POLR1E: variants seen among roughly 807,000 people sequenced by gnomAD.
POLR1E encodes RNA polymerase I subunit E.
In POLR1E, 37 loss-of-function variants were observed where a neutral mutation model predicts 50.9. The observed-to-expected ratio is 0.73, with a 90% CI of 0.56 to 0.96. The LOEUF is 0.96. Ranked by LOEUF, POLR1E falls within the 40% of genes least tolerant of loss-of-function variation. The pLI is 0.00. For synonymous variants in POLR1E, 166 were observed against 191.6 expected (o/e 0.87, Z 1.10); for missense variants, 426 against 518.1 (o/e 0.82, Z 1.73).
At chr9:37,502,824 A>C (rs1401991080) in intron 11 of POLR1E, among the ~76,000 whole-genome samples, 2 of 152,144 alleles carry the variant, frequency 1.3e-5, no homozygotes, top group Non-Finnish European at 2.9e-5. Flanking sequence ...ACCCATATGG[A>C]TCTTTTGAAG....
rs116534207 is a variant in POLR1E at position 37,503,300 on chromosome 9, G to A, written c.*98G>A. On this transcript the variant is annotated 3_prime_UTR_variant, in exon 12 of 12. Coordinates refer to ENST00000377798, the MANE Select transcript of POLR1E (RefSeq NM_022490.4). ...TGTATGTTTTGAAAAGAAAAGGTCC[G>A]GGGATGGTGGCTCACACCTGAAATC... 1.1e-3 allele frequency: 1,609 copies of A among 1,405,004 alleles called. 13 individuals carry two copies. In the African/African-American group the frequency reaches 0.019, roughly 16 times the overall value. The allele number at this position is 1,405,004 out of a possible 1,614,324, so 87.0% of individuals were successfully genotyped here. A position where few individuals can be genotyped will look rare whatever the true frequency, so the allele number is the denominator to read the frequency against.
At chr9:37,496,619 A>ATTTTT (rs1229748702) in intron 8 of POLR1E, among the ~76,000 whole-genome samples, 1 of 51,246 alleles carries the variant, frequency 2.0e-5, no homozygotes, top group African/African-American at 7.7e-5. Flanking sequence ...TATTATTATT[A>ATTTTT]TTTCTTTTTT....
chr9:37,488,538 TAGAGG>T (rs57241432), intron 3 of POLR1E, among the ~76,000 whole-genome samples: 39,973 of 151,760 alleles, frequency 0.26, 5,620 homozygotes, highest in African/African-American at 0.35. Context: ...CATACTCCAA[TAGAGG>T]AGAGGTCAGA....
chr9:37,492,828 C>T (rs1020886540), intron 5 of POLR1E, 113 bp downstream of exon 5: 8 of 881,944 alleles, frequency 9.1e-6, no homozygotes, highest in South Asian at 1.5e-5. Flanking sequence ...GGCTGCTCCC[C>T]GCTCATTCAG....
chr9:37,497,863 A>G (rs1019356836), intron 8 of POLR1E, among the ~76,000 whole-genome samples: 1 of 152,152 alleles, frequency 6.6e-6, no homozygotes, highest in African/African-American at 2.4e-5. Flanking sequence ...CCTGGGCTCA[A>G]GTGATCCTCC....
chr9:37,500,030 T>C (rs1028080348), intron 9 of POLR1E, among the ~76,000 whole-genome samples: 6 of 151,874 alleles, frequency 4.0e-5, no homozygotes, highest in African/African-American at 1.5e-4. Flanking sequence ...TTTGTATTTT[T>C]AGTAGAGACG....
At position 37,485,975 on chromosome 9, in the gene POLR1E, C is replaced by A; in HGVS notation, c.-73C>A. 6.5e-7 allele frequency: 1 copy of A among 1,541,100 alleles called. No homozygotes were observed. The highest frequency in any genetic ancestry group is 8.8e-7 in the Non-Finnish European group (1 of 1,135,920). On this transcript the variant is annotated 5_prime_UTR_variant, in exon 1 of 12. Coordinates refer to ENST00000377798, the MANE Select transcript of POLR1E (RefSeq NM_022490.4). ...TTTCCGGCCCGCAGCGCGGCCTGGG[C>A]TCCCGCGTGTTTAAAAGTGCGCTTG...
At chr9:37,501,259 G>A (rs1820882982) in intron 10 of POLR1E, among the ~76,000 whole-genome samples, 1 of 152,268 alleles carries the variant, frequency 6.6e-6, no homozygotes, top group Admixed American at 6.5e-5. Context: ...GAAAAGGGCA[G>A]CCCAACTCGG....
chr9:37,492,769 C>T (rs1820708477), intron 5 of POLR1E, 54 bp downstream of exon 5: 10 of 1,508,694 alleles, frequency 6.6e-6, no homozygotes, highest in Admixed American at 1.8e-5. Context: ...TTCTACACCT[C>T]GGGTTTCTCC....
chr9:37,490,961 G>A lies in POLR1E; in HGVS notation c.343+1561G>A, dbSNP rs968925097. 6 of 335,286 alleles carry A rather than the reference G, an allele frequency of 1.8e-5. No homozygotes were observed. The South Asian group carries it at 1.8e-4, about 10-fold the overall frequency. 20.8% of individuals were successfully genotyped at this position (335,286 alleles called of 1,614,324 possible). On this transcript the variant is annotated intron_variant, in intron 4 of 11. Coordinates refer to ENST00000377798, the MANE Select transcript of POLR1E (RefSeq NM_022490.4). ...TCTTTCTTAATTCTTAACTGTTATA[G>A]TTGGGGTAAAGAGGTTTTAGAATTT...
Position 37,493,673 on chromosome 9 carries a change from G to A in POLR1E, c.517G>A (p.Glu173Lys), listed in dbSNP as rs755580143. The change falls in exon 6 of 12, where the codon GAG (glutamate) becomes AAG (lysine). Residue 173 changes from glutamate to lysine, a missense_variant. Physicochemically the swap from Glu to Lys is moderately conservative, Grantham distance 56 (BLOSUM62 1). Transcript: ENST00000377798. ...GAATCGTGCAGTGGCTAAAGCTGCA[G>A]AGACTATCATTGATACGAAGGGTGT... ...SLNRAVAKAA[E>K]TIIDTKGVTA... is the part of the protein sequence containing the mutation. 11 of 1,596,770 alleles carry A rather than the reference G, an allele frequency of 6.9e-6. No homozygotes were observed. In the East Asian group the frequency reaches 2.5e-4, roughly 36 times the overall value.
chr9:37,490,103 ATTTTTAT>A (rs1820653050), intron 4 of POLR1E, among the ~76,000 whole-genome samples: 1 of 152,124 alleles, frequency 6.6e-6, no homozygotes, highest in African/African-American at 2.4e-5. Context: ...CATTCTTTTT[ATTTTTAT>A]TTTTTATTTT....
At chr9:37,488,343 G>T (rs1439224161) in intron 3 of POLR1E, among the ~76,000 whole-genome samples, 1 of 152,108 alleles carries the variant, frequency 6.6e-6, no homozygotes, top group Non-Finnish European at 1.5e-5. Flanking sequence ...ATCCAGCTGT[G>T]CTGCTGATTG....
intron 10 of POLR1E, among the ~76,000 whole-genome samples, chr9:37,501,462 G>A (rs1820886862): frequency 6.6e-6 from 1 of 152,230 alleles, no homozygotes; most frequent in African/African-American, 2.4e-5. Context: ...AGCGCTAGCA[G>A]TGCCCAGGTA....
rs1043648123 is a variant in POLR1E, at chr9:37,486,001, T to C, written c.-47T>C. The C allele has an allele frequency of 1.9e-6, 3 of 1,573,796 alleles. No individual in the cohort carries two copies. The highest frequency in any genetic ancestry group is 1.3e-5 in the African/African-American group (1 of 74,418). On this transcript the variant is annotated 5_prime_UTR_variant, in exon 1 of 12. Coordinates refer to ENST00000377798, the MANE Select transcript of POLR1E (RefSeq NM_022490.4). The stretch of plus-strand genomic sequence containing the variant: ...TCCCGCGTGTTTAAAAGTGCGCTTG[T>C]GGCTGCTGCTGTCTTAACTCCTGTG...
intron 8 of POLR1E, among the ~76,000 whole-genome samples, chr9:37,496,829 T>C (rs1449619657): frequency 2.0e-5 from 3 of 152,160 alleles, no homozygotes; most frequent in African/African-American, 7.2e-5. Context: ...GAGGCATCTA[T>C]GAGATGATCT....
At chr9:37,499,016 G>A (rs7022491) in intron 9 of POLR1E, among the ~76,000 whole-genome samples, 6,179 of 152,210 alleles carry the variant, frequency 0.041, 424 homozygotes, top group African/African-American at 0.14. Flanking sequence ...CTGTTCCTAG[G>A]CTGCAAACCT....
At chr9:37,488,849 A>T (rs1820625741) in intron 3 of POLR1E, among the ~76,000 whole-genome samples, 1 of 151,760 alleles carries the variant, frequency 6.6e-6, no homozygotes, top group African/African-American at 2.4e-5. Flanking sequence ...TATGCAGAGA[A>T]TTGCTGTGGG....
chr9:37,492,560 A>G (rs944824184), intron 4 of POLR1E, 97 bp from the exon 5 acceptor site: 3 of 1,190,906 alleles, frequency 2.5e-6, no homozygotes, highest in East Asian at 2.5e-5. Context: ...AAAGAAATCT[A>G]TTATTCTTAG....
Sources: gnomAD v4.1 joint callset for allele counts (sites outside exome capture counted in the v4.1 genomes callset) on GRCh38, gnomAD v4.1.1 for gene constraint, MANE v1.5 for transcripts, NCBI Gene and HGNC (gene_info 2026-07-23, HGNC 2026-07-21) for gene names.